Variants in EHBP1 observed in about 807,000 individuals in gnomAD.
The protein encoded by EHBP1 is EH domain-binding protein 1.
In EHBP1, 55 loss-of-function variants were observed where a neutral mutation model predicts 144.0. That is an observed-to-expected ratio of 0.38 (90% CI 0.31 to 0.48). The LOEUF (loss-of-function observed/expected upper bound fraction) is 0.48, where lower values mean the gene tolerates loss of function less well. Ranked by LOEUF, EHBP1 falls within the 20% of genes least tolerant of loss-of-function variation. The pLI, the probability that EHBP1 is intolerant of heterozygous loss-of-function variation, is 0.98. For synonymous variants in EHBP1, 469 were observed against 472.7 expected (o/e 0.99, Z 0.10); for missense variants, 1,200 against 1,364.2 (o/e 0.88, Z 1.90).
At chr2:62,890,179 G>T (rs762833226) in intron 10 of EHBP1, among the ~76,000 whole-genome samples, 1 of 151,828 alleles carries the variant, frequency 6.6e-6, no homozygotes, top group Non-Finnish European at 1.5e-5. Context: ...CTTGTGATCT[G>T]CCCACCTCGG....
At chr2:62,963,885 A>G (rs1480074338) in intron 14 of EHBP1, among the ~76,000 whole-genome samples, 2 of 152,226 alleles carry the variant, frequency 1.3e-5, no homozygotes, top group African/African-American at 2.4e-5. Flanking sequence ...ACAATCACCA[A>G]AAGATTTAAT....
chr2:62,868,303 C>T (rs1418653790), intron 9 of EHBP1, among the ~76,000 whole-genome samples: 2 of 151,980 alleles, frequency 1.3e-5, no homozygotes, highest in East Asian at 1.9e-4. Flanking sequence ...TGCTTGAACC[C>T]GAGAAGTGGA....
intron 5 of EHBP1, among the ~76,000 whole-genome samples, chr2:62,810,733 C>G (rs890795593): frequency 1.9e-4 from 29 of 152,308 alleles, no homozygotes; most frequent in African/African-American, 6.7e-4. Flanking sequence ...CTTATTTAAA[C>G]TAACAGATTA....
chr2:62,755,052 G>A (rs2040145054), intron 3 of EHBP1, among the ~76,000 whole-genome samples: 1 of 152,226 alleles, frequency 6.6e-6, no homozygotes, highest in Non-Finnish European at 1.5e-5. Context: ...AGTTGGAAAT[G>A]CAGAAATCAC....
chr2:62,961,984 C>T (rs1190703769), intron 14 of EHBP1, among the ~76,000 whole-genome samples: 3 of 151,646 alleles, frequency 2.0e-5, no homozygotes, highest in Admixed American at 1.3e-4. Context: ...GTGGAGATTG[C>T]GCCACTACAC....
At position 63,033,874 on chromosome 2, in the gene EHBP1, G is replaced by A. The variant is rs185737600; in HGVS notation, c.3104-3661G>A. Among the ~76,000 whole-genome samples, 94 of 152,174 alleles carry A rather than the reference G, an allele frequency of 6.2e-4. 1 individual carries two copies. Among genetic ancestry groups the A allele is most frequent in the African/African-American group, 2.1e-3 (87 of 41,564 alleles). On this transcript the variant is annotated intron_variant, in intron 19 of 22. Coordinates refer to ENST00000431489, the MANE Select transcript of EHBP1 (RefSeq NM_001142616.3). ...GCTCTGCATCATATGCTTCTATCAA[G>A]TGGTTTTTGTTAACTATGTGATAGG...
At chr2:62,843,711 C>T (rs115133350) in intron 7 of EHBP1, among the ~76,000 whole-genome samples, 2,383 of 152,034 alleles carry the variant, frequency 0.016, 76 homozygotes, top group African/African-American at 0.054. Flanking sequence ...AGCAACAGCA[C>T]GACCACTTTA....
chr2:62,916,592 CAAA>C (rs1366110061), intron 10 of EHBP1, among the ~76,000 whole-genome samples: 1 of 114,856 alleles, frequency 8.7e-6, no homozygotes, highest in Non-Finnish European at 1.8e-5. Context: ...GACTCTGTCT[CAAA>C]AAAAAAAAAA....
chr2:62,724,424 G>C (rs1047812327), intron 2 of EHBP1, among the ~76,000 whole-genome samples: 1 of 152,104 alleles, frequency 6.6e-6, no homozygotes, highest in South Asian at 2.1e-4. Context: ...AGTGTACTGC[G>C]TCTCAGTGAT....
intron 14 of EHBP1, among the ~76,000 whole-genome samples, chr2:62,960,890 C>T (rs1247704386): frequency 6.6e-6 from 1 of 152,176 alleles, no homozygotes; most frequent in Non-Finnish European, 1.5e-5. Flanking sequence ...TTGCTATTCT[C>T]GAATCGTACA....
At chr2:63,027,149 T>C (rs1477573825) in intron 19 of EHBP1, among the ~76,000 whole-genome samples, 1 of 152,216 alleles carries the variant, frequency 6.6e-6, no homozygotes, top group African/African-American at 2.4e-5. Context: ...ACTAGCTATA[T>C]GACTTGAGAT....
intron 10 of EHBP1, among the ~76,000 whole-genome samples, chr2:62,909,600 G>T (rs553439649): frequency 4.6e-5 from 7 of 152,194 alleles, no homozygotes; most frequent in Admixed American, 1.3e-4. Context: ...AGGAAAATAT[G>T]TTTGGAATCA....
At position 62,984,499 on chromosome 2, in the gene EHBP1, T is replaced by A. The variant is rs571228893; in HGVS notation, c.2608+5164T>A. 2.0e-5 allele frequency among the ~76,000 whole-genome samples: 3 copies of A among 152,388 alleles called. No individual in the cohort carries two copies. The South Asian group carries it at 6.2e-4, about 32-fold the overall frequency. On this transcript the variant is annotated intron_variant, in intron 15 of 22. Coordinates refer to ENST00000431489, the MANE Select transcript of EHBP1 (RefSeq NM_001142616.3). The stretch of plus-strand genomic sequence containing the variant: ...CCTTGTTCACCTACTGGGTTTTCAG[T>A]GTTTAACCATAAAGATATATTTATA...
At chr2:62,729,416 AATAAT>A (rs1203366614) in intron 2 of EHBP1, among the ~76,000 whole-genome samples, 10 of 110,650 alleles carry the variant, frequency 9.0e-5, no homozygotes, top group Admixed American at 1.2e-4. Flanking sequence ...ATATAATAAT[AATAAT>A]ATAATATAAT....
intron 10 of EHBP1, among the ~76,000 whole-genome samples, chr2:62,939,743 G>A (rs1282718401): frequency 2.6e-5 from 4 of 152,142 alleles, no homozygotes; most frequent in African/African-American, 7.2e-5. Context: ...ATCTGAGAGA[G>A]TACCAGGGAA....
chr2:63,028,411 G>A (rs1323449040), intron 19 of EHBP1, among the ~76,000 whole-genome samples: 1 of 151,984 alleles, frequency 6.6e-6, no homozygotes, highest in African/African-American at 2.4e-5. Context: ...GAGACACCCT[G>A]GGTACGATAT....
intron 2 of EHBP1, among the ~76,000 whole-genome samples, chr2:62,743,530 A>C (rs2038903117): frequency 6.6e-6 from 1 of 152,112 alleles, no homozygotes; most frequent in Non-Finnish European, 1.5e-5. Flanking sequence ...TGTCAGGAAC[A>C]TAGTAGGCAT....
chr2:62,973,757 T>C (rs1223688231), intron 14 of EHBP1, among the ~76,000 whole-genome samples: 1 of 152,264 alleles, frequency 6.6e-6, no homozygotes, highest in East Asian at 1.9e-4. Context: ...CCCTACACTT[T>C]GGGAGGCCAA....
intron 2 of EHBP1, among the ~76,000 whole-genome samples, chr2:62,741,051 G>T (rs1558585578): frequency 6.6e-6 from 1 of 152,092 alleles, no homozygotes; most frequent in African/African-American, 2.4e-5. Flanking sequence ...TGTAGAGAGG[G>T]TGTTCCAGGT....
Sources: gnomAD v4.1 joint callset for allele counts (sites outside exome capture counted in the v4.1 genomes callset) on GRCh38, gnomAD v4.1.1 for gene constraint, MANE v1.5 for transcripts, NCBI Gene and HGNC (gene_info 2026-07-23, HGNC 2026-07-21) for gene names.